SDHA: variants seen among roughly 807,000 people sequenced by gnomAD.
SDHA encodes succinate dehydrogenase complex flavoprotein subunit A.
In SDHA, 48 loss-of-function variants were observed where a neutral mutation model predicts 78.4. The ratio of observed to expected loss-of-function variants is 0.61; its 90% CI spans 0.49 to 0.78. The LOEUF is 0.78. Ranked by LOEUF, SDHA falls within the 30% of genes least tolerant of loss-of-function variation. The probability of loss-of-function intolerance (pLI) is 0.00; values close to 1 mark genes in which losing one functional copy is unlikely to be tolerated. For missense variants in SDHA, 680 were observed against 892.7 expected, an observed-to-expected ratio of 0.76 and a Z score of 3.04; for synonymous variants, 326 against 353.9, an observed-to-expected ratio of 0.92 and a Z score of 0.88.
At chr5:243,702 A>G (rs999763196) in intron 11 of SDHA, among the ~76,000 whole-genome samples, 1 of 152,208 alleles carries the variant, frequency 6.6e-6, no homozygotes, top group Non-Finnish European at 1.5e-5. Flanking sequence ...CTCAGGATAT[A>G]GTGCTGCAGT....
chr5:223,369 A>G (rs1468358728), intron 1 of SDHA, 113 bp from the exon 2 acceptor site: 9 of 818,812 alleles, frequency 1.1e-5, no homozygotes, highest in Non-Finnish European at 1.7e-5. Context: ...GATGCACAGG[A>G]GCACCTGGGT....
chr5:242,963 C>T (rs188177054), intron 11 of SDHA, among the ~76,000 whole-genome samples: 1,918 of 152,314 alleles, frequency 0.013, 41 homozygotes, highest in African/African-American at 0.043. Context: ...CCCTACCCTT[C>T]TGCACCCCCT....
At chr5:253,382 T>C (rs1359268722) in intron 13 of SDHA, among the ~76,000 whole-genome samples, 1 of 152,230 alleles carries the variant, frequency 6.6e-6, no homozygotes, top group Non-Finnish European at 1.5e-5. Context: ...ATTAAGAGTT[T>C]CCTGCAAAGT....
chr5:246,252 G>A lies in SDHA; in HGVS notation c.1552-4740G>A, dbSNP rs191832473. Among the ~76,000 whole-genome samples, 10 of 151,808 alleles carry A rather than the reference G, an allele frequency of 6.6e-5. No homozygotes were observed. The East Asian group carries it at 1.5e-3, about 24-fold the overall frequency. ...GAGAAGACTCAAGCTGCAGCTGATC[G>A]AAAAGCAAGGCCATAAAGCCCAAGT... On this transcript the variant is annotated intron_variant, in intron 11 of 14. Coordinates refer to ENST00000264932, the MANE Select transcript of SDHA (RefSeq NM_004168.4).
At chr5:220,183 T>A in intron 1 of SDHA, 1 of 369,150 alleles carries the variant, frequency 2.7e-6, no homozygotes, top group East Asian at 7.4e-5. Flanking sequence ...TTACAACTGC[T>A]TTCAAGTGAC....
intron 13 of SDHA, 141 bp from the exon 14 acceptor site, chr5:254,252 A>G: frequency 1.3e-6 from 1 of 764,302 alleles, no homozygotes; most frequent in Non-Finnish European, 2.1e-6. Context: ...GAACATGTTG[A>G]TGGTGCCAAC....
chr5:265,662 T>C, the SDHA span, among the ~76,000 whole-genome samples: 2 of 152,008 alleles, frequency 1.3e-5, no homozygotes, highest in African/African-American at 4.8e-5. Flanking sequence ...TCTCTAAAAA[T>C]ACAAAACATT....
intron 5 of SDHA, among the ~76,000 whole-genome samples, chr5:226,795 G>T (rs1193366389): frequency 6.6e-5 from 10 of 151,540 alleles, no homozygotes; most frequent in African/African-American, 2.4e-4. Context: ...CAGGCATGGT[G>T]GCAGGCACCT....
intron 11 of SDHA, among the ~76,000 whole-genome samples, chr5:248,137 A>T (rs1205948561): frequency 6.6e-6 from 1 of 152,248 alleles, no homozygotes; most frequent in Non-Finnish European, 1.5e-5. Flanking sequence ...TAGGTAAAAT[A>T]ATAACTTGGG....
In SDHA at chr5:236,356, C is replaced by G. The variant is rs1290986799; in HGVS notation, c.1261-72C>G. On this transcript the variant is annotated intron_variant, in intron 9 of 14. Transcript: ENST00000264932. ...CTCTCTCTGACCTGCAGCACAGACA[C>G]CCTGTTGGGGAAGGTGGGCTGGTGG... 5 of 1,487,042 alleles carry G rather than the reference C, an allele frequency of 3.4e-6. No homozygotes were observed. The East Asian group carries it at 9.0e-5, about 27-fold the overall frequency. 92.1% of individuals were successfully genotyped at this position (1,487,042 alleles called of 1,614,324 possible).
rs1329346212 is a variant in SDHA, at chr5:250,777, G to A, written c.1552-215G>A. On this transcript the variant is annotated intron_variant, in intron 11 of 14. Coordinates refer to ENST00000264932, the MANE Select transcript of SDHA (RefSeq NM_004168.4). The stretch of plus-strand genomic sequence containing the variant: ...AAGGATGTGTGTGGGTCTAAGATGT[G>A]TATGTAATAGAAACATTTATTTATT... 1.4e-5 allele frequency: 8 copies of A among 552,674 alleles called. No individual in the cohort carries two copies. The East Asian group carries it at 2.7e-4, about 18-fold the overall frequency. The allele number at this position is 552,674 out of a possible 1,614,324, so 34.2% of individuals were successfully genotyped here. A position where few individuals can be genotyped will look rare whatever the true frequency, so the allele number is the denominator to read the frequency against.
rs1376824800 is a variant in SDHA, at chr5:256,852, G to T, written c.*432G>T. ...TCTTTTTTTTTTTTGAGACAGGATCGGTGCAGTAGTACAATCACAGCTCAC... is the reference window on the plus strand; with the variant it reads ...TCTTTTTTTTTTTTGAGACAGGATCTGTGCAGTAGTACAATCACAGCTCAC... On this transcript the variant is annotated 3_prime_UTR_variant, in exon 15 of 15. Coordinates refer to ENST00000264932, the MANE Select transcript of SDHA (RefSeq NM_004168.4). 7.2e-6 allele frequency among the ~76,000 whole-genome samples: 1 copy of T among 138,138 alleles called. No individual in the cohort carries two copies. Among genetic ancestry groups the T allele is most frequent in the African/African-American group, 2.9e-5 (1 of 35,076 alleles). The allele number at this position is 138,138 out of a possible 152,430, so 90.6% of individuals were successfully genotyped here.
chr5:266,892 A>AGACCCTCGCC, the SDHA span, among the ~76,000 whole-genome samples: 294 of 150,856 alleles, frequency 1.9e-3, 5 homozygotes, highest in Admixed American at 2.6e-3. Flanking sequence ...TAAAATATTC[A>AGACCCTCGCC]GTCCCGTGCA....
Position 256,777 on chromosome 5 carries a change from G to T in SDHA, c.*357G>T. The T allele has an allele frequency of 1.1e-5, 3 of 277,322 alleles. No homozygotes were observed. In the South Asian group the frequency reaches 2.4e-4, roughly 22 times the overall value. The allele number at this position is 277,322 out of a possible 1,614,324, so 17.2% of individuals were successfully genotyped here. ...AAATCAAATGTAATCTTTGTATTGTGTTACATCAAAATCCAGATATTTTGT... is the reference window on the plus strand; with the variant it reads ...AAATCAAATGTAATCTTTGTATTGTTTTACATCAAAATCCAGATATTTTGT... On this transcript the variant is annotated 3_prime_UTR_variant, in exon 15 of 15. Transcript: ENST00000264932.
At chr5:234,440 A>AAAAC (rs1560995726) in intron 8 of SDHA, 36 of 141,536 alleles carry the variant, frequency 2.5e-4, no homozygotes, top group African/African-American at 9.6e-4. Flanking sequence ...AAAAAAAAAA[A>AAAAC]AAAACAGAGA....
chr5:220,499 T>C (rs62346526), intron 1 of SDHA, among the ~76,000 whole-genome samples: 36,567 of 152,202 alleles, frequency 0.24, 6,844 homozygotes, highest in African/African-American at 0.52. Flanking sequence ...CTTCTTGGGA[T>C]AATTGTAACA....
At position 251,400 on chromosome 5, in the gene SDHA, C is replaced by T. The variant is rs779807887; in HGVS notation, c.1726C>T (p.Leu576=). 4 of 1,613,926 alleles carry T rather than the reference C, an allele frequency of 2.5e-6. No individual in the cohort carries two copies. In the South Asian group the frequency reaches 4.4e-5, roughly 18 times the overall value. Residue 576 remains leucine, a synonymous_variant, in exon 13 of 15, where the codon CTG becomes TTG. Transcript: ENST00000264932. ...GCTGCAGAACCTGATGCTGTGTGCGCTGCAGACCATCTACGGAGCAGAGGC... is the reference window on the plus strand; with the variant it reads ...GCTGCAGAACCTGATGCTGTGTGCGTTGCAGACCATCTACGGAGCAGAGGC... ...LELQNLMLCA[L]QTIYGAEARK... is the part of the protein sequence containing the mutation.
Position 230,936 on chromosome 5 carries a change from G to A in SDHA, c.831G>A (p.Thr277=), listed in dbSNP as rs1470632146. The A allele has an allele frequency of 5.0e-6, 8 of 1,613,884 alleles. No individual in the cohort carries two copies. The highest frequency in any genetic ancestry group is 4.5e-5 in the East Asian group (2 of 44,896). The change falls in exon 7 of 15, where the codon ACG becomes ACA. Residue 277 remains threonine (T), a synonymous_variant. Coordinates refer to ENST00000264932, the MANE Select transcript of SDHA (RefSeq NM_004168.4). The part of the protein sequence containing the change: ...TSAHTSTGDG[T]AMITRAGLPC... ...CCCACACCAGCACTGGCGACGGCAC[G>A]GCCATGATCACCAGGGCAGGCCTTC...
intron 11 of SDHA, among the ~76,000 whole-genome samples, chr5:248,817 C>T (rs1387243889): frequency 6.6e-6 from 1 of 152,118 alleles, no homozygotes; most frequent in Admixed American, 6.6e-5. Context: ...CTATGTTCAG[C>T]TGGTCTGAAC....
Sources: gnomAD v4.1 joint callset for allele counts (sites outside exome capture counted in the v4.1 genomes callset) on GRCh38, gnomAD v4.1.1 for gene constraint, MANE v1.5 for transcripts, NCBI Gene and HGNC (gene_info 2026-07-23, HGNC 2026-07-21) for gene names.